The following FAM118B variants were observed in gnomAD, a reference collection of about 807,000 sequenced individuals.
FAM118B encodes SIR2 antiphage like 1, also known as protein FAM118B.
A neutral mutation model predicts 38.5 loss-of-function variants in FAM118B; 24 were observed. The observed-to-expected ratio is 0.62, with a 90% CI of 0.45 to 0.88. The LOEUF is 0.88. FAM118B is among the 40% of genes least tolerant of loss of function. The pLI is 0.00. For missense variants in FAM118B, 334 were observed against 420.0 expected (o/e 0.80, Z 1.79); for synonymous variants, 138 against 156.3 (o/e 0.88, Z 0.87).
intron 2 of FAM118B, among the ~76,000 whole-genome samples, chr11:126,232,759 A>T (rs1411297239): frequency 3.3e-5 from 5 of 151,588 alleles, no homozygotes; most frequent in South Asian, 2.1e-4. Flanking sequence ...AACTTAAAAA[A>T]ATATATATCC....
At chr11:126,235,707 G>T (rs985732332) in intron 3 of FAM118B, among the ~76,000 whole-genome samples, 2 of 152,162 alleles carry the variant, frequency 1.3e-5, no homozygotes, top group Non-Finnish European at 2.9e-5. Context: ...TTTTAGTAGA[G>T]ATGGGGTTTG....
intron 4 of FAM118B, among the ~76,000 whole-genome samples, chr11:126,243,797 A>G (rs937280811): frequency 2.0e-5 from 3 of 151,646 alleles, no homozygotes; most frequent in Non-Finnish European, 4.4e-5. Context: ...CCAGCTACCC[A>G]GGAGGCTGAG....
At chr11:126,245,672 C>A (rs1357099202) in intron 4 of FAM118B, among the ~76,000 whole-genome samples, 1 of 151,718 alleles carries the variant, frequency 6.6e-6, no homozygotes, top group Admixed American at 6.6e-5. Flanking sequence ...TCAGCCTGGG[C>A]AACATAGTGA....
intron 1 of FAM118B, among the ~76,000 whole-genome samples, chr11:126,223,860 C>T (rs929848904): frequency 6.6e-6 from 1 of 152,198 alleles, no homozygotes; most frequent in Non-Finnish European, 1.5e-5. Flanking sequence ...TTGAAGTTTT[C>T]TTCTGCCTGC....
chr11:126,256,966 C>A lies in FAM118B; in HGVS notation c.982+114C>A. 9.0e-7 allele frequency: 1 copy of A among 1,114,086 alleles called. No individual in the cohort carries two copies. Among genetic ancestry groups the A allele is most frequent in the Non-Finnish European group, 1.3e-6 (1 of 778,490 alleles). The allele number at this position is 1,114,086 out of a possible 1,614,324, so 69.0% of individuals were successfully genotyped here. ...CCAAGATGAGGAATGTAATGACTGA[C>A]CAAATTGTAAAGGAGGCCACAGTCT... is the stretch of plus-strand genomic sequence containing the variant. On this transcript the variant is annotated intron_variant, in intron 7 of 8. Coordinates refer to ENST00000533050, the MANE Select transcript of FAM118B (RefSeq NM_024556.4). The surrounding 1 kb of genome is among the most constrained non-coding windows in gnomAD (Gnocchi z 6.6).
intron 2 of FAM118B, among the ~76,000 whole-genome samples, chr11:126,230,301 G>GTAGTA (rs986400558): frequency 6.6e-5 from 10 of 152,224 alleles, no homozygotes; most frequent in Admixed American, 5.2e-4. Context: ...GAACTCTTTA[G>GTAGTA]TAGTACTTCA....
At position 126,259,941 on chromosome 11, in the gene FAM118B, C is replaced by T. The variant is rs555467904; in HGVS notation, c.983-1484C>T. Reference sequence around the variant, plus strand: ...TTCACTGTGTTAGCCAGGATGGTCTCGATCTCCTGACCTCGTGATCCACCC... The same window carrying T: ...TTCACTGTGTTAGCCAGGATGGTCTTGATCTCCTGACCTCGTGATCCACCC... On this transcript the variant is annotated intron_variant, in intron 7 of 8. Coordinates refer to ENST00000533050, the MANE Select transcript of FAM118B (RefSeq NM_024556.4). Among the ~76,000 whole-genome samples the T allele has an allele frequency of 2.6e-5, 4 of 151,584 alleles. No homozygotes were observed. In the East Asian group the frequency reaches 7.8e-4, roughly 29 times the overall value.
At position 126,247,234 on chromosome 11, in the gene FAM118B, A is replaced by G. The variant is rs1324144492; in HGVS notation, c.340-3272A>G. 3.3e-5 allele frequency among the ~76,000 whole-genome samples: 5 copies of G among 152,238 alleles called. No individual in the cohort carries two copies. The East Asian group carries it at 5.8e-4, about 18-fold the overall frequency. ...TTGAGCCCAGCAGGTCAAGGCTGCA[A>G]TGAGCCACGTTCATGCCACTGTACT... is the stretch of plus-strand genomic sequence containing the variant. On this transcript the variant is annotated intron_variant, in intron 4 of 8. Coordinates refer to ENST00000533050, the MANE Select transcript of FAM118B (RefSeq NM_024556.4).
chr11:126,261,860 T>C (rs1950707829), intron 8 of FAM118B, among the ~76,000 whole-genome samples: 1 of 152,062 alleles, frequency 6.6e-6, no homozygotes, highest in Non-Finnish European at 1.5e-5. Flanking sequence ...GGTCTGGTGC[T>C]GTGTGCCTAT....
intron 1 of FAM118B, among the ~76,000 whole-genome samples, chr11:126,218,366 T>A (rs1381030074): frequency 6.6e-6 from 1 of 152,188 alleles, no homozygotes; most frequent in Non-Finnish European, 1.5e-5. Flanking sequence ...TCCTTAAATG[T>A]CACCTCAGTG....
At chr11:126,262,067 TATA>T in intron 8 of FAM118B, 50 bp from the exon 9 acceptor site, 1 of 1,602,836 alleles carries the variant, frequency 6.2e-7, no homozygotes, top group Non-Finnish European at 8.5e-7. Context: ...GCTTCCAATG[TATA>T]AACCTGTTTT....
chr11:126,225,664 C>T (rs1950130799), intron 1 of FAM118B, among the ~76,000 whole-genome samples: 4 of 152,166 alleles, frequency 2.6e-5, no homozygotes, highest in Admixed American at 2.6e-4. Context: ...AGTTGCTGTT[C>T]ATTGTTTCCA....
Position 126,250,453 on chromosome 11 carries a change from C to G in FAM118B, c.340-53C>G, listed in dbSNP as rs1950487066. 1.6e-6 allele frequency: 2 copies of G among 1,277,140 alleles called. No individual in the cohort carries two copies. Among genetic ancestry groups the G allele is most frequent in the East Asian group, 4.6e-5 (2 of 43,030 alleles). 79.1% of individuals were successfully genotyped at this position (1,277,140 alleles called of 1,614,324 possible). A position where few individuals can be genotyped will look rare whatever the true frequency, so the allele number is the denominator to read the frequency against. On this transcript the variant is annotated intron_variant, in intron 4 of 8. Transcript: ENST00000533050. The surrounding 1 kb of genome is among the most constrained non-coding windows in gnomAD (Gnocchi z 5.1). Reference sequence around the variant, plus strand: ...TTTGTTACTGCTGTAACTAAAACAACTGACCTACCAAAGCACTTTGGACTA... The same window carrying G: ...TTTGTTACTGCTGTAACTAAAACAAGTGACCTACCAAAGCACTTTGGACTA...
intron 4 of FAM118B, among the ~76,000 whole-genome samples, chr11:126,245,795 G>A (rs1035940473): frequency 4.6e-5 from 7 of 152,050 alleles, no homozygotes; most frequent in Non-Finnish European, 1.0e-4. Flanking sequence ...TCGGAAGTTC[G>A]AGACCAGCCT....
chr11:126,243,903 CAAA>C (rs34063466), intron 4 of FAM118B, among the ~76,000 whole-genome samples: 32 of 104,566 alleles, frequency 3.1e-4, no homozygotes, highest in Admixed American at 6.1e-4. Context: ...GACTCCGTCT[CAAA>C]AAAAAAAAAA....
chr11:126,245,576 C>T (rs1052126647), intron 4 of FAM118B, among the ~76,000 whole-genome samples: 4 of 152,230 alleles, frequency 2.6e-5, no homozygotes, highest in African/African-American at 9.6e-5. Context: ...TACCTGTAAT[C>T]CCAACTACTT....
chr11:126,254,486 CTAAA>C, intron 6 of FAM118B, 53 bp downstream of exon 6: 3 of 1,603,884 alleles, frequency 1.9e-6, no homozygotes, highest in Non-Finnish European at 2.6e-6. Context: ...GGAAATCTCT[CTAAA>C]TATGCCATAG....
chr11:126,226,505 C>G (rs1950142611), intron 1 of FAM118B, among the ~76,000 whole-genome samples: 1 of 152,120 alleles, frequency 6.6e-6, no homozygotes, highest in Non-Finnish European at 1.5e-5. Flanking sequence ...GCGCAAGTTC[C>G]TATCACTGTG....
At chr11:126,221,349 G>A (rs1950059934) in intron 1 of FAM118B, among the ~76,000 whole-genome samples, 1 of 152,120 alleles carries the variant, frequency 6.6e-6, no homozygotes, top group African/African-American at 2.4e-5. Context: ...TTATTCTGAA[G>A]TATATGACAG....
Sources: gnomAD v4.1 joint callset for allele counts (sites outside exome capture counted in the v4.1 genomes callset) on GRCh38, gnomAD v4.1.1 for gene constraint, Gnocchi (gnomAD v3.1) non-coding constraint, MANE v1.5 for transcripts, NCBI Gene and HGNC (gene_info 2026-07-23, HGNC 2026-07-21) for gene names.